Variants in PTPRD observed in about 807,000 individuals in gnomAD.
PTPRD encodes the protein protein tyrosine phosphatase receptor type D.
Under a neutral mutation model 214.5 loss-of-function variants are expected in PTPRD, and 34 were observed. The observed-to-expected ratio is 0.16, with a 90% CI of 0.12 to 0.21. The LOEUF (loss-of-function observed/expected upper bound fraction) is 0.21, where lower values mean the gene tolerates loss of function less well. PTPRD is among the 10% of genes least tolerant of loss of function. PTPRD has a pLI of 1.00. For synonymous variants in PTPRD, 1,128 were observed against 845.7 expected, an observed-to-expected ratio of 1.33 and a Z score of -5.79; for missense variants, 2,545 against 2,398.7, an observed-to-expected ratio of 1.06 and a Z score of -1.27.
At chr9:9,869,557 C>T (rs535411314) in intron 5 of PTPRD, among the ~76,000 whole-genome samples, 3 of 151,804 alleles carry the variant, frequency 2.0e-5, no homozygotes, top group East Asian at 1.9e-4. Context: ...TGTTTCCTGA[C>T]GGGATATAAT....
intron 2 of PTPRD, among the ~76,000 whole-genome samples, chr9:10,479,863 T>C (rs1238161389): frequency 6.6e-6 from 1 of 151,994 alleles, no homozygotes; most frequent in African/African-American, 2.4e-5. Flanking sequence ...GAAAAGTACA[T>C]TCCTAAAGAC....
chr9:9,483,347 C>A (rs995059352), intron 8 of PTPRD, among the ~76,000 whole-genome samples: 2 of 152,110 alleles, frequency 1.3e-5, no homozygotes, highest in Middle Eastern at 3.2e-3. Context: ...AATTTAGAGT[C>A]ATTTAGGATG....
chr9:8,541,659 G>A (rs1002313753), intron 14 of PTPRD, among the ~76,000 whole-genome samples: 2 of 152,030 alleles, frequency 1.3e-5, no homozygotes, highest in East Asian at 1.9e-4. Flanking sequence ...GCGTCACTGC[G>A]CCCAGCCTTT....
At chr9:8,750,033 C>T (rs1473046098) in intron 11 of PTPRD, among the ~76,000 whole-genome samples, 3 of 151,104 alleles carry the variant, frequency 2.0e-5, no homozygotes, top group South Asian at 2.1e-4. Context: ...AACCCAGAGG[C>T]GGAGGTTGCA....
At chr9:9,951,124 A>G (rs1029735348) in intron 4 of PTPRD, among the ~76,000 whole-genome samples, 2 of 152,094 alleles carry the variant, frequency 1.3e-5, no homozygotes, top group Admixed American at 1.3e-4. Context: ...ATGTAGGAGG[A>G]GGGTGAAATA....
At chr9:9,186,636 CT>C (rs2099931740) in intron 9 of PTPRD, among the ~76,000 whole-genome samples, 3 of 8,636 alleles carry the variant, frequency 3.5e-4, no homozygotes, top group African/African-American at 7.2e-4. Flanking sequence ...CTCTCCCTCT[CT>C]CTCTCTCTCT....
At chr9:10,184,538 T>G (rs1243273078) in intron 3 of PTPRD, among the ~76,000 whole-genome samples, 1 of 152,176 alleles carries the variant, frequency 6.6e-6, no homozygotes, top group Non-Finnish European at 1.5e-5. Context: ...CCTAGCACAA[T>G]GCATAGAATA....
At chr9:8,371,062 C>T (rs1392518) in intron 39 of PTPRD, among the ~76,000 whole-genome samples, 63,679 of 151,562 alleles carry the variant, frequency 0.42, 18,407 homozygotes, top group African/African-American at 0.79. Context: ...ATTAGTATTG[C>T]TACAAAATGG....
At chr9:9,066,551 C>T (rs1052632586) in intron 10 of PTPRD, among the ~76,000 whole-genome samples, 2 of 128,470 alleles carry the variant, frequency 1.6e-5, no homozygotes, top group African/African-American at 5.0e-5. Flanking sequence ...TGACCAACAA[C>T]AACAACAACA....
intron 11 of PTPRD, among the ~76,000 whole-genome samples, chr9:8,929,459 G>A (rs2098928981): frequency 6.6e-6 from 1 of 151,842 alleles, no homozygotes; most frequent in South Asian, 2.1e-4. Flanking sequence ...TGTGGTTTTG[G>A]TCATTGGCTC....
rs375111726 is a variant in PTPRD, at chr9:9,298,470, G to A, written c.-203+98979C>T. On this transcript the variant is annotated intron_variant, in intron 9 of 45. Coordinates refer to ENST00000381196, the MANE Select transcript of PTPRD (RefSeq NM_002839.4). ...GGAATACACTTAAAAAGTTGTAATAGGGTAAGATACTGGCTTAAACGGGAC... is the reference window on the plus strand; with the variant it reads ...GGAATACACTTAAAAAGTTGTAATAAGGTAAGATACTGGCTTAAACGGGAC... Among the ~76,000 whole-genome samples, 53 of 151,754 alleles carry A rather than the reference G, an allele frequency of 3.5e-4. No individual in the cohort carries two copies. In the South Asian group the frequency reaches 0.011, roughly 31 times the overall value.
intron 4 of PTPRD, among the ~76,000 whole-genome samples, chr9:9,966,163 A>G (rs1425361589): frequency 6.6e-6 from 1 of 152,144 alleles, no homozygotes; most frequent in African/African-American, 2.4e-5. Context: ...TAAATTGGCA[A>G]TTCTATTTGC....
At chr9:9,106,612 CAAAAAAA>C (rs5896301) in intron 10 of PTPRD, among the ~76,000 whole-genome samples, 5 of 71,632 alleles carry the variant, frequency 7.0e-5, no homozygotes, top group African/African-American at 2.1e-4. Flanking sequence ...ATTCCATAGG[CAAAAAAA>C]AAAAAAAAAA....
In PTPRD at chr9:10,612,074, C is replaced by T. The variant is rs372459779; in HGVS notation, c.-600+324G>A. 2.4e-4 allele frequency among the ~76,000 whole-genome samples: 37 copies of T among 151,928 alleles called. No individual in the cohort carries two copies. In the East Asian group the frequency reaches 5.1e-3, roughly 21 times the overall value. ...TTTCAAGCTTTTTCTAGATAACCAC[C>T]CTTAAATCTTAGAACCAACCAATGT... is the stretch of plus-strand genomic sequence containing the variant. On this transcript the variant is annotated intron_variant, in intron 2 of 45. Coordinates refer to ENST00000381196, the MANE Select transcript of PTPRD (RefSeq NM_002839.4).
chr9:8,350,195 G>A (rs1281987300), intron 39 of PTPRD, among the ~76,000 whole-genome samples: 1 of 152,124 alleles, frequency 6.6e-6, no homozygotes, highest in Non-Finnish European at 1.5e-5. Context: ...TACAGGGACT[G>A]TTTTATGCTA....
intron 8 of PTPRD, among the ~76,000 whole-genome samples, chr9:9,536,708 T>C (rs1591028937): frequency 6.6e-6 from 1 of 152,146 alleles, no homozygotes; most frequent in East Asian, 1.9e-4. Context: ...CAGGGCTCAG[T>C]GCTGATAACA....
intron 3 of PTPRD, among the ~76,000 whole-genome samples, chr9:10,118,334 T>C (rs1367725359): frequency 6.6e-6 from 1 of 151,706 alleles, no homozygotes; most frequent in East Asian, 1.9e-4. Flanking sequence ...ATTTAATATA[T>C]TAATGTACAT....
intron 10 of PTPRD, among the ~76,000 whole-genome samples, chr9:9,120,930 C>T (rs934446044): frequency 1.3e-5 from 2 of 152,122 alleles, no homozygotes; most frequent in African/African-American, 4.8e-5. Context: ...TCATTGCTTA[C>T]TAAGTGCTAA....
chr9:8,970,619 TA>T (rs1253657841), intron 11 of PTPRD, among the ~76,000 whole-genome samples: 1 of 151,490 alleles, frequency 6.6e-6, no homozygotes, highest in African/African-American at 2.4e-5. Flanking sequence ...AAAAAACCAC[TA>T]AAAACCCCAA....
Sources: allele counts gnomAD v4.1 joint callset (sites outside exome capture counted in the v4.1 genomes callset), GRCh38; gene constraint gnomAD v4.1.1; transcripts MANE v1.5; gene names NCBI Gene and HGNC (gene_info 2026-07-23, HGNC 2026-07-21).